CACNB2: variants seen among roughly 807,000 people sequenced by gnomAD.
The protein encoded by CACNB2 is voltage-dependent L-type calcium channel subunit beta-2.
In CACNB2, 42 loss-of-function variants were observed where a neutral mutation model predicts 73.3. The observed-to-expected ratio is 0.57, with a 90% CI of 0.45 to 0.74. CACNB2 has a LOEUF of 0.74. Among genes scored for constraint, CACNB2 ranks in the 30% least tolerant of loss-of-function variants. CACNB2 has a pLI of 0.00. For synonymous variants in CACNB2, 348 were observed against 310.3 expected, an observed-to-expected ratio of 1.12 and a Z score of -1.28; for missense variants, 940 against 853.0, an observed-to-expected ratio of 1.10 and a Z score of -1.27.
intron 2 of CACNB2, among the ~76,000 whole-genome samples, chr10:18,303,811 T>A (rs1174159065): frequency 6.6e-6 from 1 of 152,182 alleles, no homozygotes; most frequent in East Asian, 1.9e-4. Context: ...GTCCGTTCAG[T>A]GGGGGAGCGT....
intron 1 of CACNB2, among the ~76,000 whole-genome samples, chr10:18,142,988 A>G (rs935180885): frequency 5.9e-5 from 9 of 152,246 alleles, no homozygotes; most frequent in African/African-American, 2.2e-4. Context: ...TACACCAGAT[A>G]TTTTTGAGAG....
intron 2 of CACNB2, among the ~76,000 whole-genome samples, chr10:18,346,836 A>C (rs2041479074): frequency 6.7e-6 from 1 of 149,334 alleles, no homozygotes; most frequent in Non-Finnish European, 1.5e-5. Context: ...AGCTCAAGTG[A>C]TCCACCCTCC....
chr10:18,318,439 A>C (rs1458905820), intron 2 of CACNB2, among the ~76,000 whole-genome samples: 3 of 152,162 alleles, frequency 2.0e-5, no homozygotes, highest in Non-Finnish European at 4.4e-5. Flanking sequence ...AAACTGAAAC[A>C]GGATCCCTTC....
intron 2 of CACNB2, among the ~76,000 whole-genome samples, chr10:18,391,098 T>C (rs1207146035): frequency 6.6e-6 from 1 of 152,206 alleles, no homozygotes; most frequent in Non-Finnish European, 1.5e-5. Context: ...AATGACTGTT[T>C]TTGGAGTGGC....
chr10:18,291,844 T>C (rs923507920), intron 2 of CACNB2, among the ~76,000 whole-genome samples: 25 of 152,214 alleles, frequency 1.6e-4, no homozygotes, highest in African/African-American at 6.0e-4. Flanking sequence ...TCTAGTTGTT[T>C]CATGTTGGTA....
At chr10:18,502,950 G>T (rs990382480) in intron 5 of CACNB2, among the ~76,000 whole-genome samples, 2 of 151,576 alleles carry the variant, frequency 1.3e-5, no homozygotes, top group Non-Finnish European at 2.9e-5. Flanking sequence ...CATGTACCCC[G>T]AAACTAAAAG....
chr10:18,307,779 C>T (rs2039790824), intron 2 of CACNB2, among the ~76,000 whole-genome samples: 1 of 151,902 alleles, frequency 6.6e-6, no homozygotes, highest in Non-Finnish European at 1.5e-5. Context: ...GAGCTTATCT[C>T]TTAATAAAAA....
At chr10:18,496,999 T>C (rs953040553) in intron 3 of CACNB2, among the ~76,000 whole-genome samples, 10 of 150,454 alleles carry the variant, frequency 6.6e-5, no homozygotes, top group Non-Finnish European at 1.2e-4. Context: ...TCACCCAAGG[T>C]CAGGGGTTCG....
intron 2 of CACNB2, among the ~76,000 whole-genome samples, chr10:18,304,105 AC>A (rs1326118804): frequency 1.3e-5 from 2 of 151,884 alleles, no homozygotes; most frequent in African/African-American, 4.8e-5. Flanking sequence ...ACAAGCTTGC[AC>A]CCCCACATCC....
chr10:18,516,521 C>T (rs996875932), intron 7 of CACNB2, among the ~76,000 whole-genome samples: 1 of 152,200 alleles, frequency 6.6e-6, no homozygotes, highest in Non-Finnish European at 1.5e-5. Context: ...TTCATAATTT[C>T]AACGGTGGAA....
intron 3 of CACNB2, among the ~76,000 whole-genome samples, chr10:18,406,546 C>A (rs1449962661): frequency 6.6e-6 from 1 of 152,152 alleles, no homozygotes; most frequent in East Asian, 1.9e-4. Context: ...AGGTTGCGCA[C>A]TCCTTATGAG....
Position 18,540,742 on chromosome 10 carries a change from G to A in CACNB2, c.*1018G>A, listed in dbSNP as rs1161122054. ...CGTGTGTGTGTCCGTATGTAAGAAAGTGTGCACCGAGTGACTGAATGGTTG... is the reference window on the plus strand; with the variant it reads ...CGTGTGTGTGTCCGTATGTAAGAAAATGTGCACCGAGTGACTGAATGGTTG... On this transcript the variant is annotated 3_prime_UTR_variant, in exon 14 of 14. Coordinates refer to ENST00000324631, the MANE Select transcript of CACNB2 (RefSeq NM_201596.3). 1 of 152,628 alleles carries A rather than the reference G, an allele frequency of 6.6e-6. No homozygotes were observed. Among genetic ancestry groups the A allele is most frequent in the African/African-American group, 2.4e-5 (1 of 41,450 alleles). 9.5% of individuals were successfully genotyped at this position (152,628 alleles called of 1,614,324 possible).
At chr10:18,157,953 A>G (rs1342344808) in intron 2 of CACNB2, among the ~76,000 whole-genome samples, 1 of 152,118 alleles carries the variant, frequency 6.6e-6, no homozygotes, top group African/African-American at 2.4e-5. Context: ...CCCTTCTCTC[A>G]TGAAAAGTTC....
intron 2 of CACNB2, among the ~76,000 whole-genome samples, chr10:18,169,295 T>C (rs1229241377): frequency 6.6e-6 from 1 of 152,178 alleles, no homozygotes; most frequent in East Asian, 1.9e-4. Flanking sequence ...AGTAATTCTT[T>C]TGTTCAGGAA....
chr10:18,380,162 A>G (rs913036452), intron 2 of CACNB2, among the ~76,000 whole-genome samples: 1 of 152,214 alleles, frequency 6.6e-6, no homozygotes, highest in Admixed American at 6.5e-5. Flanking sequence ...TTTAGTTTTA[A>G]TTCAATCAGG....
chr10:18,324,034 C>G (rs1183583742), intron 2 of CACNB2, among the ~76,000 whole-genome samples: 1 of 152,132 alleles, frequency 6.6e-6, no homozygotes, highest in East Asian at 1.9e-4. Context: ...TTTTAAACAT[C>G]TAACTGATCA....
chr10:18,354,218 G>A (rs1015430036), intron 2 of CACNB2, among the ~76,000 whole-genome samples: 2 of 152,170 alleles, frequency 1.3e-5, no homozygotes, highest in Non-Finnish European at 2.9e-5. Flanking sequence ...AGCACTGTAT[G>A]ATAATGAGGT....
At chr10:18,347,015 C>T (rs751938233) in intron 2 of CACNB2, among the ~76,000 whole-genome samples, 1 of 152,074 alleles carries the variant, frequency 6.6e-6, no homozygotes, top group African/African-American at 2.4e-5. Flanking sequence ...TCAGAAGGGG[C>T]CATACTCATT....
intron 3 of CACNB2, among the ~76,000 whole-genome samples, chr10:18,451,748 G>A (rs1411669549): frequency 2.0e-5 from 3 of 152,126 alleles, no homozygotes; most frequent in Non-Finnish European, 4.4e-5. Context: ...CACCCATCAC[G>A]TAGTTCGTTA....
Sources: allele counts gnomAD v4.1 joint callset (sites outside exome capture counted in the v4.1 genomes callset), GRCh38; gene constraint gnomAD v4.1.1; transcripts MANE v1.5; gene names NCBI Gene and HGNC (gene_info 2026-07-23, HGNC 2026-07-21).